The following ABI2 variants were observed in gnomAD, a reference collection of about 807,000 sequenced individuals.
ABI2 encodes the protein abl interactor 2, also known as abelson interactor 2.
A neutral mutation model predicts 59.2 loss-of-function variants in ABI2; 25 were observed. The observed-to-expected ratio is 0.42, with a 90% CI of 0.31 to 0.59. The LOEUF is 0.59. Among genes scored for constraint, ABI2 ranks in the 20% least tolerant of loss-of-function variants. ABI2 has a pLI of 0.14. For synonymous variants in ABI2, 213 were observed against 235.5 expected (o/e 0.90, Z 0.87); for missense variants, 545 against 681.8 (o/e 0.80, Z 2.23).
rs763942603 is a variant in ABI2 at position 203,416,994 on chromosome 2, G to A, written c.1366G>A (p.Glu456Lys). 1 of 1,614,118 alleles carries A rather than the reference G, an allele frequency of 6.2e-7. No individual in the cohort carries two copies. The highest frequency in any genetic ancestry group is 8.5e-7 in the Non-Finnish European group (1 of 1,180,022). Reference sequence around the variant, plus strand: ...ACCTCCTCCTCCTCCAGAAGATTACGAAGAGGAGGAAGCTGCTGTGGTTGA... The same window carrying A: ...ACCTCCTCCTCCTCCAGAAGATTACAAAGAGGAGGAAGCTGCTGTGGTTGA... ...PPPPPPPEDY[E>K]EEEAAVVEYS... Residue 456 changes from glutamate (E) to lysine (K), a missense_variant, in exon 11 of 12, where the codon GAA becomes AAA. Transcript: ENST00000261018.
chr2:203,336,226 T>G (rs1559146767), intron 1 of ABI2, among the ~76,000 whole-genome samples: 1 of 152,256 alleles, frequency 6.6e-6, no homozygotes, highest in Non-Finnish European at 1.5e-5. Context: ...GGATTGTTTC[T>G]AGTTTTAGGC....
Position 203,427,492 on chromosome 2 carries a change from C to A in ABI2, c.*140C>A. 2.7e-6 allele frequency: 2 copies of A among 747,778 alleles called. No individual in the cohort carries two copies. Among genetic ancestry groups the A allele is most frequent in the Non-Finnish European group, 4.1e-6 (2 of 485,060 alleles). The allele number at this position is 747,778 out of a possible 1,614,324, so 46.3% of individuals were successfully genotyped here. On this transcript the variant is annotated 3_prime_UTR_variant, in exon 12 of 12. Coordinates refer to ENST00000261018, the MANE Select transcript of ABI2 (RefSeq NM_001375670.1). ...TACACTTTTTTTTTTGGTTTATTCC[C>A]CAGTATTAAAAACAAAGCAAGCTGA... is the stretch of plus-strand genomic sequence containing the variant.
At chr2:203,386,954 A>G (rs2153273756) in intron 4 of ABI2, among the ~76,000 whole-genome samples, 1 of 151,024 alleles carries the variant, frequency 6.6e-6, no homozygotes, top group African/African-American at 2.4e-5. Flanking sequence ...ATTGCTTTTT[A>G]TTTTAGGCAT....
chr2:203,416,755 G>T (rs1455558930), intron 10 of ABI2, among the ~76,000 whole-genome samples, 153 bp from the exon 11 acceptor site: 2 of 152,262 alleles, frequency 1.3e-5, no homozygotes, highest in East Asian at 1.9e-4. Context: ...CGTTATAGTT[G>T]GTGGGAAGAC....
At chr2:203,358,719 G>A (rs930802146) in intron 1 of ABI2, among the ~76,000 whole-genome samples, 3 of 152,038 alleles carry the variant, frequency 2.0e-5, no homozygotes, top group Admixed American at 6.6e-5. Flanking sequence ...GAATCAGTTT[G>A]AAAAATCCAG....
intron 2 of ABI2, among the ~76,000 whole-genome samples, chr2:203,370,629 T>C (rs1032684777): frequency 1.2e-4 from 18 of 152,218 alleles, no homozygotes; most frequent in African/African-American, 4.3e-4. Flanking sequence ...AATTTTATTA[T>C]GATGCTTGTA....
Position 203,402,556 on chromosome 2 carries a change from A to G in ABI2, c.1034-20A>G. On this transcript the variant is annotated intron_variant, in intron 8 of 11. Coordinates refer to ENST00000261018, the MANE Select transcript of ABI2 (RefSeq NM_001375670.1). ...ATAATTTTCTTTTAATGACATATGT[A>G]TGTTCTATCTCTTTTTCAGGTCATC... 2 of 1,440,162 alleles carry G rather than the reference A, an allele frequency of 1.4e-6. No individual in the cohort carries two copies. The highest frequency in any genetic ancestry group is 1.8e-6 in the Non-Finnish European group (2 of 1,091,888). 89.2% of individuals were successfully genotyped at this position (1,440,162 alleles called of 1,614,324 possible). A position where few individuals can be genotyped will look rare whatever the true frequency, so the allele number is the denominator to read the frequency against.
chr2:203,335,756 A>G (rs2076170793), intron 1 of ABI2, among the ~76,000 whole-genome samples: 1 of 152,172 alleles, frequency 6.6e-6, no homozygotes, highest in East Asian at 1.9e-4. Flanking sequence ...TGGATGAGGT[A>G]ACAGCTTTGT....
intron 8 of ABI2, among the ~76,000 whole-genome samples, chr2:203,401,218 TCTC>T (rs2097205323): frequency 6.6e-6 from 1 of 151,808 alleles, no homozygotes; most frequent in Non-Finnish European, 1.5e-5. Context: ...TTTTCACTTA[TCTC>T]CTCCTTTTCT....
At chr2:203,346,413 G>T (rs1326430824) in intron 1 of ABI2, among the ~76,000 whole-genome samples, 1 of 152,198 alleles carries the variant, frequency 6.6e-6, no homozygotes, top group Non-Finnish European at 1.5e-5. Context: ...ATAGGCATGT[G>T]TATCACCAGT....
chr2:203,360,380 G>A (rs1452787709), intron 1 of ABI2, among the ~76,000 whole-genome samples: 1 of 152,170 alleles, frequency 6.6e-6, no homozygotes, highest in Non-Finnish European at 1.5e-5. Flanking sequence ...TTAAACAAAA[G>A]GCGAAGTGTT....
At chr2:203,364,153 G>T (rs986927042) in intron 1 of ABI2, among the ~76,000 whole-genome samples, 1 of 150,828 alleles carries the variant, frequency 6.6e-6, no homozygotes, top group East Asian at 1.9e-4. Context: ...GGGTGTAGTG[G>T]CATGATCTTG....
chr2:203,412,593 A>G (rs1161099733), intron 10 of ABI2, among the ~76,000 whole-genome samples: 4 of 146,258 alleles, frequency 2.7e-5, no homozygotes, highest in Non-Finnish European at 6.1e-5. Context: ...GTTGAGTTTA[A>G]GAGCTATTTT....
chr2:203,335,497 A>G (rs1312781208), intron 1 of ABI2, among the ~76,000 whole-genome samples: 2 of 152,200 alleles, frequency 1.3e-5, no homozygotes, highest in Non-Finnish European at 2.9e-5. Context: ...ACCTGGGCTC[A>G]AGCAATTCTC....
chr2:203,409,627 A>G (rs2097574027), intron 9 of ABI2, among the ~76,000 whole-genome samples: 1 of 152,196 alleles, frequency 6.6e-6, no homozygotes, highest in Non-Finnish European at 1.5e-5. Context: ...TAGCTAAATC[A>G]TTAATTGCCA....
chr2:203,351,571 T>A (rs2088513039), intron 1 of ABI2: 4 of 438,638 alleles, frequency 9.1e-6, no homozygotes, highest in African/African-American at 2.1e-5. Context: ...GGTCTTGGTA[T>A]GTCATGCAGG....
chr2:203,337,828 C>A (rs2077152964), intron 1 of ABI2, among the ~76,000 whole-genome samples: 1 of 152,132 alleles, frequency 6.6e-6, no homozygotes, highest in Admixed American at 6.6e-5. Flanking sequence ...GTCAGGAGTT[C>A]AAGACCAGCC....
At chr2:203,340,251 A>C (rs2079069970) in intron 1 of ABI2, among the ~76,000 whole-genome samples, 2 of 152,200 alleles carry the variant, frequency 1.3e-5, no homozygotes, top group African/African-American at 4.8e-5. Flanking sequence ...AGAAATGGGG[A>C]GATGTTAGTC....
chr2:203,359,564 T>A (rs1480316530), intron 1 of ABI2, among the ~76,000 whole-genome samples: 1 of 152,210 alleles, frequency 6.6e-6, no homozygotes, highest in African/African-American at 2.4e-5. Context: ...AAACAAAATA[T>A]CTTAGGCTGG....
Sources: allele counts gnomAD v4.1 joint callset (sites outside exome capture counted in the v4.1 genomes callset), GRCh38; gene constraint gnomAD v4.1.1; transcripts MANE v1.5; gene names NCBI Gene and HGNC (gene_info 2026-07-23, HGNC 2026-07-21).